The following HECTD4 variants were observed in gnomAD, a reference collection of about 807,000 sequenced individuals.
The protein encoded by HECTD4 is probable E3 ubiquitin-protein ligase HECTD4.
HECTD4 carries 114 observed loss-of-function variants against 471.5 expected under a neutral mutation model. The ratio of observed to expected loss-of-function variants is 0.24; its 90% CI spans 0.21 to 0.28. The LOEUF is 0.28. HECTD4 is among the 10% of genes least tolerant of loss of function. The probability of loss-of-function intolerance (pLI) is 1.00; values close to 1 mark genes in which losing one functional copy is unlikely to be tolerated. For missense variants in HECTD4, 3,866 were observed against 5,651.5 expected, an observed-to-expected ratio of 0.68 and a Z score of 10.13; for synonymous variants, 2,012 against 2,256.0, an observed-to-expected ratio of 0.89 and a Z score of 3.07.
chr12:112,381,955 C>G lies in HECTD4; in HGVS notation c.174G>C (p.Leu58=). The change falls in exon 1 of 76, where the codon CTG becomes CTC. Residue 58 remains leucine (L), a synonymous_variant. Coordinates refer to ENST00000682272, the MANE Select transcript of HECTD4 (RefSeq NM_001388303.1). This position sits in a 1 kb window ranked among gnomAD's most constrained non-coding sequence, Gnocchi z 4.1. ...LGAPEAADTD[L]EILTFETKNP... ...GGCCGGGGGCCGCCTCGCTCACCTC[C>G]AGGTCGGTGTCCGCGGCCTCTGGGG... 1 of 1,224,026 alleles carries G rather than the reference C, an allele frequency of 8.2e-7. No homozygotes were observed. The highest frequency in any genetic ancestry group is 1.0e-6 in the Non-Finnish European group (1 of 982,980). 75.8% of individuals were successfully genotyped at this position (1,224,026 alleles called of 1,614,324 possible).
chr12:112,175,673 T>C (rs551158110), intron 66 of HECTD4, 63 bp downstream of exon 66: 2 of 1,562,620 alleles, frequency 1.3e-6, no homozygotes. Context: ...TCAGAAATTA[T>C]GCTCTTGGCT....
chr12:112,255,086 A>T (rs999082138), intron 21 of HECTD4, among the ~76,000 whole-genome samples: 1 of 152,244 alleles, frequency 6.6e-6, no homozygotes, highest in African/African-American at 2.4e-5. Context: ...CCATGTAGTA[A>T]GCCTCTTTGT....
intron 51 of HECTD4, among the ~76,000 whole-genome samples, 165 bp from the exon 52 acceptor site, chr12:112,208,165 G>A (rs1320873328): frequency 6.6e-6 from 1 of 152,122 alleles, no homozygotes; most frequent in East Asian, 1.9e-4. Flanking sequence ...AGATGCCAGG[G>A]CAGGGAACAG....
At chr12:112,281,501 A>G (rs1011756587) in intron 8 of HECTD4, among the ~76,000 whole-genome samples, 11 of 152,200 alleles carry the variant, frequency 7.2e-5, no homozygotes, top group African/African-American at 2.7e-4. Context: ...AACCCAGATC[A>G]GGCCTTCAGC....
At chr12:112,167,180 A>G (rs1488607367) in intron 72 of HECTD4, 137 bp downstream of exon 72, 8 of 676,436 alleles carry the variant, frequency 1.2e-5, no homozygotes, top group Non-Finnish European at 2.0e-5. Flanking sequence ...TTCCTGGCAC[A>G]TGGCTCACAC....
chr12:112,207,340 G>A (rs943652191), intron 52 of HECTD4, among the ~76,000 whole-genome samples: 1 of 151,894 alleles, frequency 6.6e-6, no homozygotes, highest in African/African-American at 2.4e-5. Flanking sequence ...ATGGGGTTTC[G>A]CCATGTTGGC....
chr12:112,277,797 A>G (rs1044634975), intron 9 of HECTD4, among the ~76,000 whole-genome samples: 1 of 152,228 alleles, frequency 6.6e-6, no homozygotes, highest in East Asian at 1.9e-4. Flanking sequence ...ATATTTATAT[A>G]TAACTCTCCA....
intron 7 of HECTD4, among the ~76,000 whole-genome samples, chr12:112,304,193 C>T (rs1025481160): frequency 2.7e-5 from 4 of 148,932 alleles, no homozygotes; most frequent in Non-Finnish European, 5.9e-5. Flanking sequence ...ATCAGAGAAT[C>T]AGGGAATTCT....
At position 112,173,723 on chromosome 12, in the gene HECTD4, G is replaced by T. The variant is rs1052231407; in HGVS notation, c.11595-862C>A. Reference sequence around the variant, plus strand: ...TTTAATTTTTTTTTGTAGAGATGGGGTCTCGTTGTGTTGCCCAGGCTGTTC... The same window carrying T: ...TTTAATTTTTTTTTGTAGAGATGGGTTCTCGTTGTGTTGCCCAGGCTGTTC... On this transcript the variant is annotated intron_variant, in intron 66 of 75. Coordinates refer to ENST00000682272, the MANE Select transcript of HECTD4 (RefSeq NM_001388303.1). This position sits in a 1 kb window ranked among gnomAD's most constrained non-coding sequence, Gnocchi z 4.3. Among the ~76,000 whole-genome samples, 2 of 151,578 alleles carry T rather than the reference G, an allele frequency of 1.3e-5. No homozygotes were observed. The highest frequency in any genetic ancestry group is 2.9e-5 in the Non-Finnish European group (2 of 67,934).
chr12:112,247,422 C>G, intron 28 of HECTD4, 40 bp downstream of exon 28: 2 of 962,566 alleles, frequency 2.1e-6, no homozygotes, highest in Non-Finnish European at 3.1e-6. Flanking sequence ...TTTTGAGCAT[C>G]AAGGTGATAA....
At position 112,256,372 on chromosome 12, in the gene HECTD4, C is replaced by T. The variant is rs1489972965; in HGVS notation, c.3275G>A (p.Cys1092Tyr). The change falls in exon 21 of 76, where the codon TGC (cysteine) becomes TAC (tyrosine). Residue 1092 changes from cysteine (C) to tyrosine (Y), a missense_variant. Cys to Tyr is a radical substitution (Grantham distance 194). Transcript: ENST00000682272. ...TCTGCTATCAAATCTAAGGTACAGGCAGCGAGCTCCTGGGATATGGACCGT... is the reference window on the plus strand; with the variant it reads ...TCTGCTATCAAATCTAAGGTACAGGTAGCGAGCTCCTGGGATATGGACCGT... The part of the protein sequence containing the change: ...KETVHIPGAR[C>Y]LYLRFDSRCS... The T allele has an allele frequency of 1.2e-6, 2 of 1,611,560 alleles. No individual in the cohort carries two copies. The highest frequency in any genetic ancestry group is 3.3e-5 in the Admixed American group (2 of 59,702).
rs1272013489 is a variant in HECTD4, at chr12:112,194,978, A to T, written c.8656T>A (p.Phe2886Ile). Residue 2886 changes from phenylalanine (F) to isoleucine (I), a missense_variant, in exon 56 of 76, where the codon TTC becomes ATC. By Grantham distance (21) the Phe-to-Ile change is conservative. Transcript: ENST00000682272. The surrounding 1 kb of genome is among the most constrained non-coding windows in gnomAD (Gnocchi z 4.6). ...GCAGGGATGTGGAAGAGGCGAGTGA[A>T]CAAGTGAGGCAACTTCGGGGCGAAG... ...NIFAPKLPHL[F>I]TRLFHIPAIR... 6.2e-7 allele frequency: 1 copy of T among 1,611,662 alleles called. No individual in the cohort carries two copies. Among genetic ancestry groups the T allele is most frequent in the Admixed American group, 1.7e-5 (1 of 59,688 alleles).
chr12:112,226,743 C>A lies in HECTD4; in HGVS notation c.6870G>T (p.Met2290Ile). ...ATAAGCTGTCTTCTAAAAGCTGGGC[C>A]ATGACCAGGCATGCTCTTAATGTTA... is the stretch of plus-strand genomic sequence containing the variant. ...AEIRTRACLV[M>I]AQLLEDSLFC... The change falls in exon 44 of 76, where the codon ATG becomes ATT. Residue 2290 changes from methionine to isoleucine, a missense_variant. Physicochemically the swap from Met to Ile is conservative, Grantham distance 10. This residue lies in a region of HECTD4 where 617 missense variants were observed against 915.1 expected (regional missense o/e 0.67). Coordinates refer to ENST00000682272, the MANE Select transcript of HECTD4 (RefSeq NM_001388303.1). 6.2e-7 allele frequency: 1 copy of A among 1,608,910 alleles called. No individual in the cohort carries two copies. Among genetic ancestry groups the A allele is most frequent in the Non-Finnish European group, 8.5e-7 (1 of 1,175,946 alleles).
rs148031982 is a variant in HECTD4 at position 112,174,872 on chromosome 12, C to A, written c.11594+864G>T. ...TGGTAGCCATTTTCATTGATTGATG[C>A]CAGGTGCACTTGCTGTGGACAAGGC... On this transcript the variant is annotated intron_variant, in intron 66 of 75. Coordinates refer to ENST00000682272, the MANE Select transcript of HECTD4 (RefSeq NM_001388303.1). 1.5e-3 allele frequency among the ~76,000 whole-genome samples: 225 copies of A among 152,288 alleles called. 4 individuals carry two copies. The South Asian group carries it at 0.031, about 21-fold the overall frequency.
At chr12:112,323,857 T>C (rs2035635461) in intron 1 of HECTD4, among the ~76,000 whole-genome samples, 1 of 151,906 alleles carries the variant, frequency 6.6e-6, no homozygotes, top group African/African-American at 2.4e-5. Context: ...AACCAGACTA[T>C]AGTTGTATTC....
chr12:112,298,121 G>C (rs2035081187), intron 7 of HECTD4, among the ~76,000 whole-genome samples: 1 of 152,114 alleles, frequency 6.6e-6, no homozygotes, highest in Non-Finnish European at 1.5e-5. Flanking sequence ...TGGAAGGAGA[G>C]GAGGCAAAGA....
chr12:112,380,685 G>A (rs906241253), intron 1 of HECTD4, among the ~76,000 whole-genome samples: 1 of 152,088 alleles, frequency 6.6e-6, no homozygotes, highest in Admixed American at 6.6e-5. Flanking sequence ...TTGGTGACTA[G>A]ATTGTAAAAT....
In HECTD4 at chr12:112,319,759, TGGAGAA is replaced by T; in HGVS notation, c.178-23_178-18del. The T allele has an allele frequency of 3.2e-6, 4 of 1,245,104 alleles. No homozygotes were observed. The highest frequency in any genetic ancestry group is 4.0e-6 in the Non-Finnish European group (4 of 994,840). 77.1% of individuals were successfully genotyped at this position (1,245,104 alleles called of 1,614,324 possible). A position where few individuals can be genotyped will look rare whatever the true frequency, so the allele number is the denominator to read the frequency against. Reference sequence around the variant, plus strand: ...GGTTAAAATCTAAGGAAAAAGACGATGGAGAAGTGGGTAAATATTACTTTCACCAAA... The same window carrying T: ...GGTTAAAATCTAAGGAAAAAGACGATGTGGGTAAATATTACTTTCACCAAA... On this transcript the variant is annotated intron_variant, in intron 1 of 75. Coordinates refer to ENST00000682272, the MANE Select transcript of HECTD4 (RefSeq NM_001388303.1). The surrounding 1 kb of genome is among the most constrained non-coding windows in gnomAD (Gnocchi z 5.3).
In HECTD4 at chr12:112,258,609, A is replaced by G. The variant is rs1030620034; in HGVS notation, c.3028-13T>C. ...GCAGCAACGCCGTCTGAAACACAAA[A>G]CCATCATTATGTCTTCCAGGGCTAC... On this transcript the variant is annotated splice_polypyrimidine_tract_variant and intron_variant, in intron 19 of 75. Coordinates refer to ENST00000682272, the MANE Select transcript of HECTD4 (RefSeq NM_001388303.1). The G allele has an allele frequency of 1.9e-6, 3 of 1,586,838 alleles. No homozygotes were observed. The highest frequency in any genetic ancestry group is 2.6e-6 in the Non-Finnish European group (3 of 1,169,782).
Sources: allele counts gnomAD v4.1 joint callset (sites outside exome capture counted in the v4.1 genomes callset), GRCh38; gene constraint gnomAD v4.1.1; regional missense constraint gnomAD v4.1.1; non-coding constraint Gnocchi (gnomAD v3.1); transcripts MANE v1.5; gene names NCBI Gene and HGNC (gene_info 2026-07-23, HGNC 2026-07-21).